Variants in OR56A3 observed in about 807,000 individuals in gnomAD.
OR56A3 encodes the protein olfactory receptor 56A3.
In OR56A3, 23 loss-of-function variants were observed where a neutral mutation model predicts 17.5. The ratio of observed to expected loss-of-function variants is 1.32; its 90% CI spans 0.95 to 1.87. The LOEUF (loss-of-function observed/expected upper bound fraction) is 1.87, where lower values mean the gene tolerates loss of function less well. Among genes scored for constraint, OR56A3 ranks in the 40% most tolerant of loss-of-function variants. The probability of loss-of-function intolerance (pLI) is 0.00; values close to 1 mark genes in which losing one functional copy is unlikely to be tolerated. For synonymous variants in OR56A3, 175 were observed against 150.6 expected (o/e 1.16, Z -1.19); for missense variants, 366 against 380.1 (o/e 0.96, Z 0.31).
At chr11:5,965,661 T>C in the OR56A3 span, among the ~76,000 whole-genome samples, 1 of 152,176 alleles carries the variant, frequency 6.6e-6, no homozygotes, top group South Asian at 2.1e-4. Flanking sequence ...CTCTAGAATA[T>C]ACAAAGTTGA....
the OR56A3 span, among the ~76,000 whole-genome samples, chr11:6,011,910 G>T: frequency 1.3e-5 from 2 of 152,142 alleles, no homozygotes; most frequent in Non-Finnish European, 2.9e-5. Flanking sequence ...GCTGGACTAG[G>T]CACACTGCAA....
At chr11:5,997,866 T>G in the OR56A3 span, among the ~76,000 whole-genome samples, 1 of 152,186 alleles carries the variant, frequency 6.6e-6, no homozygotes, top group Non-Finnish European at 1.5e-5. Flanking sequence ...ATTTCCCTAT[T>G]ACCTACATCA....
At chr11:5,981,205 A>C in the OR56A3 span, among the ~76,000 whole-genome samples, 1 of 152,154 alleles carries the variant, frequency 6.6e-6, no homozygotes, top group Non-Finnish European at 1.5e-5. Flanking sequence ...TTGAATGTCA[A>C]ACTCTCTACT....
downstream of OR56A3, among the ~76,000 whole-genome samples, chr11:5,954,142 C>T (rs532446906): frequency 2.0e-4 from 31 of 152,256 alleles, no homozygotes; most frequent in East Asian, 4.4e-3. Flanking sequence ...TCTTTAATTG[C>T]ATTATTGCTT....
At chr11:5,991,214 A>G in the OR56A3 span, among the ~76,000 whole-genome samples, 1 of 152,198 alleles carries the variant, frequency 6.6e-6, no homozygotes, top group East Asian at 1.9e-4. Context: ...GTATCTACAT[A>G]CGCAATACAT....
In OR56A3 at chr11:5,945,601, A is replaced by AAAAG. The variant is rs1194101404; in HGVS notation, c.-37+521_-37+522insAGAA. 1.0e-3 allele frequency among the ~76,000 whole-genome samples: 144 copies of AAAAG among 137,212 alleles called. 1 individual carries two copies. The highest frequency in any genetic ancestry group is 3.9e-3 in the African/African-American group (136 of 34,816). The allele number at this position is 137,212 out of a possible 152,430, so 90.0% of individuals were successfully genotyped here. ...ATATAAAAAAAAAAAAAAAAAAAAA[A>AAAAG]AATTATTTCTTGGGTCTGAAGGAAC... On this transcript the variant is annotated intron_variant, in intron 2 of 2. Transcript: ENST00000641160.
the OR56A3 span, among the ~76,000 whole-genome samples, chr11:5,971,346 T>C: frequency 2.0e-5 from 3 of 152,364 alleles, no homozygotes; most frequent in South Asian, 6.2e-4. Flanking sequence ...CTGCTCATTT[T>C]CTTTTCCTTA....
the OR56A3 span, among the ~76,000 whole-genome samples, chr11:5,959,342 A>G: frequency 6.6e-6 from 1 of 152,014 alleles, no homozygotes; most frequent in Admixed American, 6.5e-5. Flanking sequence ...TGTTTTTATA[A>G]TAGTCATTCT....
chr11:5,978,870 A>G, the OR56A3 span, among the ~76,000 whole-genome samples: 1 of 151,982 alleles, frequency 6.6e-6, no homozygotes, highest in African/African-American at 2.4e-5. Context: ...GATGGCTTTT[A>G]TTATTGTGAA....
chr11:5,979,469 T>A, the OR56A3 span, among the ~76,000 whole-genome samples: 1 of 152,136 alleles, frequency 6.6e-6, no homozygotes, highest in Non-Finnish European at 1.5e-5. Context: ...GTTCCAGGAA[T>A]TTATCCATTT....
At chr11:5,976,674 A>G in the OR56A3 span, among the ~76,000 whole-genome samples, 1 of 150,600 alleles carries the variant, frequency 6.6e-6, no homozygotes, top group Admixed American at 6.6e-5. Flanking sequence ...ATTTTTCTCT[A>G]TTGTTTCTGT....
At chr11:5,981,491 T>G in the OR56A3 span, among the ~76,000 whole-genome samples, 12 of 152,246 alleles carry the variant, frequency 7.9e-5, no homozygotes, top group African/African-American at 2.9e-4. Context: ...ATTCCTGTAG[T>G]GAATTTTTCA....
chr11:5,967,798 C>G, the OR56A3 span: 6 of 1,576,418 alleles, frequency 3.8e-6, no homozygotes, highest in Non-Finnish European at 4.3e-6. Flanking sequence ...TCTCCCTCAC[C>G]CTTAATCCTT....
the OR56A3 span, among the ~76,000 whole-genome samples, chr11:5,984,355 A>C: frequency 6.1e-3 from 933 of 152,318 alleles, 6 homozygotes; most frequent in South Asian, 0.025. Context: ...TACCAAAAAA[A>C]TGGTGGTTTA....
At chr11:5,959,410 T>C in the OR56A3 span, among the ~76,000 whole-genome samples, 1 of 152,226 alleles carries the variant, frequency 6.6e-6, no homozygotes, top group East Asian at 1.9e-4. Flanking sequence ...TGATGATTAC[T>C]GATATTAAGC....
chr11:5,962,366 G>C, the OR56A3 span, among the ~76,000 whole-genome samples: 1 of 152,052 alleles, frequency 6.6e-6, no homozygotes, highest in African/African-American at 2.4e-5. Flanking sequence ...GTGTGTGCGT[G>C]TTCTCATCTA....
At chr11:6,007,737 A>G in the OR56A3 span, among the ~76,000 whole-genome samples, 29 of 152,328 alleles carry the variant, frequency 1.9e-4, no homozygotes, top group African/African-American at 6.7e-4. Flanking sequence ...GAATCAGGCT[A>G]TCCTCAGCAC....
the OR56A3 span, among the ~76,000 whole-genome samples, chr11:5,995,889 C>A: frequency 6.6e-6 from 1 of 152,172 alleles, no homozygotes; most frequent in East Asian, 1.9e-4. Context: ...CTCTCAATCC[C>A]TCCCTCCCAC....
chr11:6,004,514 A>T, the OR56A3 span, among the ~76,000 whole-genome samples: 1 of 152,244 alleles, frequency 6.6e-6, no homozygotes, highest in African/African-American at 2.4e-5. Flanking sequence ...AAGATAATGT[A>T]AGTATTTATT....
Sources: allele counts gnomAD v4.1 joint callset (sites outside exome capture counted in the v4.1 genomes callset), GRCh38; gene constraint gnomAD v4.1.1; transcripts MANE v1.5; gene names NCBI Gene and HGNC (gene_info 2026-07-23, HGNC 2026-07-21).